Variants in FLVCR2 observed in about 807,000 individuals in gnomAD.
FLVCR2 encodes FLVCR choline and putative heme transporter 2, also known as choline/ethanolamine transporter FLVCR2.
In FLVCR2, 38 loss-of-function variants were observed where a neutral mutation model predicts 48.9. The observed-to-expected ratio is 0.78, with a 90% CI of 0.60 to 1.02. The LOEUF (loss-of-function observed/expected upper bound fraction) is 1.02, where lower values mean the gene tolerates loss of function less well. Among genes scored for constraint, FLVCR2 ranks in the 50% least tolerant of loss-of-function variants. FLVCR2 has a pLI of 0.00. For synonymous variants in FLVCR2, 255 were observed against 257.0 expected (o/e 0.99, Z 0.07); for missense variants, 664 against 663.3 (o/e 1.00, Z -0.01).
chr14:75,580,686 G>A (rs1566780079), intron 1 of FLVCR2, among the ~76,000 whole-genome samples: 1 of 152,042 alleles, frequency 6.6e-6, no homozygotes, highest in Non-Finnish European at 1.5e-5. Flanking sequence ...AGACAGGGTG[G>A]ATCTCAAAGT....
intron 3 of FLVCR2, among the ~76,000 whole-genome samples, chr14:75,627,899 G>A (rs1303226856): frequency 1.3e-5 from 2 of 152,180 alleles, no homozygotes; most frequent in African/African-American, 4.8e-5. Flanking sequence ...ATTTTTGACG[G>A]AGGAATCATG....
chr14:75,610,570 C>A (rs1463136042), intron 1 of FLVCR2, among the ~76,000 whole-genome samples: 1 of 152,176 alleles, frequency 6.6e-6, no homozygotes, highest in Non-Finnish European at 1.5e-5. Context: ...TTGCACCCCC[C>A]ACAAAGATGA....
Position 75,647,814 on chromosome 14 carries a change from C to G in FLVCR2, c.*1342C>G, listed in dbSNP as rs540642075. The stretch of plus-strand genomic sequence containing the variant: ...CCCTGGCCTCAGCATATCAGGGCAG[C>G]CTGTGCTGGCTGCAATACTGTGGTG... On this transcript the variant is annotated 3_prime_UTR_variant, in exon 10 of 10. Coordinates refer to ENST00000238667, the MANE Select transcript of FLVCR2 (RefSeq NM_017791.3). The G allele has an allele frequency of 2.6e-5, 4 of 152,720 alleles. No homozygotes were observed. The highest frequency in any genetic ancestry group is 6.5e-5 in the Admixed American group (1 of 15,268). The allele number at this position is 152,720 out of a possible 1,614,324, so 9.5% of individuals were successfully genotyped here.
chr14:75,629,080 G>GTGCAGCGATA (rs1889975102), intron 3 of FLVCR2, among the ~76,000 whole-genome samples: 1 of 152,132 alleles, frequency 6.6e-6, no homozygotes, highest in African/African-American at 2.4e-5. Context: ...CAGAACTGAG[G>GTGCAGCGATA]TGCAGCGATA....
intron 1 of FLVCR2, among the ~76,000 whole-genome samples, chr14:75,593,545 G>A (rs764378476): frequency 1.2e-4 from 19 of 152,280 alleles, no homozygotes; most frequent in East Asian, 1.9e-4. Flanking sequence ...CTAGTCTTGC[G>A]AGAGTGAGAA....
At chr14:75,589,736 T>C (rs1449684096) in intron 1 of FLVCR2, among the ~76,000 whole-genome samples, 1 of 152,240 alleles carries the variant, frequency 6.6e-6, no homozygotes, top group Non-Finnish European at 1.5e-5. Context: ...CATGGCACCA[T>C]AGCTCTTGCA....
At chr14:75,582,686 G>T (rs565838415) in intron 1 of FLVCR2, among the ~76,000 whole-genome samples, 1 of 152,298 alleles carries the variant, frequency 6.6e-6, no homozygotes, top group African/African-American at 2.4e-5. Flanking sequence ...GGGTTGGGAT[G>T]AGTTAGGGAG....
At chr14:75,589,189 C>T (rs1310028073) in intron 1 of FLVCR2, among the ~76,000 whole-genome samples, 1 of 152,184 alleles carries the variant, frequency 6.6e-6, no homozygotes, top group African/African-American at 2.4e-5. Flanking sequence ...GCACTCCAGC[C>T]TTGGTGACAG....
chr14:75,600,162 C>A (rs1474458158), intron 1 of FLVCR2, among the ~76,000 whole-genome samples: 1 of 152,184 alleles, frequency 6.6e-6, no homozygotes, highest in African/African-American at 2.4e-5. Context: ...GTCATCCTCA[C>A]TGCTCATTAT....
chr14:75,626,844 T>C (rs905624688), intron 3 of FLVCR2, among the ~76,000 whole-genome samples: 1 of 151,916 alleles, frequency 6.6e-6, no homozygotes, highest in Non-Finnish European at 1.5e-5. Context: ...CTGACAACCA[T>C]AAATCTTGCT....
chr14:75,639,547 G>A, intron 6 of FLVCR2, 85 bp downstream of exon 6: 1 of 898,646 alleles, frequency 1.1e-6, no homozygotes, highest in South Asian at 1.4e-5. Context: ...CAATATTGAT[G>A]CCTTTGCTGC....
chr14:75,602,048 A>G (rs1414339629), intron 1 of FLVCR2, among the ~76,000 whole-genome samples: 2 of 152,210 alleles, frequency 1.3e-5, no homozygotes, highest in African/African-American at 2.4e-5. Flanking sequence ...ATTATAAAGG[A>G]TACAACTCAG....
intron 1 of FLVCR2, among the ~76,000 whole-genome samples, chr14:75,603,430 A>G (rs1239742622): frequency 6.6e-6 from 1 of 152,126 alleles, no homozygotes; most frequent in East Asian, 1.9e-4. Flanking sequence ...GGACAGCCAG[A>G]CCTCAGGGGT....
chr14:75,610,114 A>G (rs1889402047), intron 1 of FLVCR2, among the ~76,000 whole-genome samples: 1 of 152,190 alleles, frequency 6.6e-6, no homozygotes, highest in Admixed American at 6.5e-5. Flanking sequence ...GGTGGTTTGA[A>G]AGACACCCAC....
chr14:75,616,876 G>A (rs1464307959), intron 1 of FLVCR2, among the ~76,000 whole-genome samples: 3 of 152,224 alleles, frequency 2.0e-5, no homozygotes, highest in African/African-American at 4.8e-5. Context: ...TTCTTTTCCT[G>A]TTCCATTTGG....
chr14:75,587,228 A>G (rs866632294), intron 1 of FLVCR2, among the ~76,000 whole-genome samples: 3 of 152,314 alleles, frequency 2.0e-5, no homozygotes, highest in South Asian at 2.1e-4. Flanking sequence ...CCAGAGTCCT[A>G]TAACTACTGA....
intron 1 of FLVCR2, among the ~76,000 whole-genome samples, chr14:75,583,557 G>A (rs1413577522): frequency 6.6e-6 from 1 of 152,094 alleles, no homozygotes; most frequent in Non-Finnish European, 1.5e-5. Flanking sequence ...ACGCGAAGGA[G>A]GCTTTGAACT....
Position 75,641,048 on chromosome 14 carries a change from C to T in FLVCR2, c.1329C>T (p.Asn443=). The change falls in exon 7 of 10, where the codon AAC becomes AAT. Residue 443 remains asparagine (N), a synonymous_variant. Transcript: ENST00000238667. ...AAGGCATCTCCTCCGGCCTCCTCAA[C>T]ATATCTGCACAGGTAGAGCTCGTAT... ...ESEGISSGLL[N]ISAQVFGIIF... is the part of the protein sequence containing the mutation. The T allele has an allele frequency of 6.2e-7, 1 of 1,612,936 alleles. No homozygotes were observed. The highest frequency in any genetic ancestry group is 8.5e-7 in the Non-Finnish European group (1 of 1,178,888).
intron 1 of FLVCR2, among the ~76,000 whole-genome samples, chr14:75,617,691 C>G (rs895928267): frequency 2.8e-4 from 42 of 152,206 alleles, no homozygotes; most frequent in African/African-American, 9.6e-4. Flanking sequence ...GCATAAAGCT[C>G]ATACATTTTA....
Sources: gnomAD v4.1 joint callset for allele counts (sites outside exome capture counted in the v4.1 genomes callset) on GRCh38, gnomAD v4.1.1 for gene constraint, MANE v1.5 for transcripts, NCBI Gene and HGNC (gene_info 2026-07-23, HGNC 2026-07-21) for gene names.